ANKRD35: variants seen among roughly 807,000 people sequenced by gnomAD.
ANKRD35 encodes the protein ankyrin repeat domain-containing protein 35.
A neutral mutation model predicts 109.9 loss-of-function variants in ANKRD35; 102 were observed. The ratio of observed to expected loss-of-function variants is 0.93; its 90% CI spans 0.79 to 1.09. The LOEUF (loss-of-function observed/expected upper bound fraction) is 1.09. Among genes scored for constraint, ANKRD35 ranks in the 50% least tolerant of loss-of-function variants. The pLI, the probability that ANKRD35 is intolerant of heterozygous loss-of-function variation, is 0.00. For synonymous variants in ANKRD35, 515 were observed against 512.4 expected (o/e 1.01, Z -0.07); for missense variants, 1,240 against 1,230.1 (o/e 1.01, Z -0.12).
In ANKRD35 at chr1:145,879,271, T is replaced by A. The variant is rs1570805878; in HGVS notation, c.157A>T (p.Asn53Tyr). 1.9e-6 allele frequency: 3 copies of A among 1,608,406 alleles called. No individual in the cohort carries two copies. Among genetic ancestry groups the A allele is most frequent in the Non-Finnish European group, 2.5e-6 (3 of 1,177,484 alleles). ...KSARPTKLDS[N>Y]GQSPFHLAAS... ...GGACTGACTTACGGGGACTGGCCAT[T>A]CGAGTCAAGCTTGGTGGGTCGGGCA... Residue 53 changes from asparagine (N) to tyrosine (Y), a missense_variant, in exon 2 of 14, where the codon AAT (asparagine) becomes TAT (tyrosine). Asn to Tyr is a moderately radical substitution (Grantham distance 143). Transcript: ENST00000355594.
chr1:145,879,430 G>T (rs782442347), intron 1 of ANKRD35, 42 bp from the exon 2 acceptor site: 3 of 1,397,606 alleles, frequency 2.1e-6, no homozygotes, highest in African/African-American at 1.5e-5. Flanking sequence ...GGGCATGAGG[G>T]TAGTGTGGAG....
rs782190439 is a variant in ANKRD35, at chr1:145,872,641, C to A, written c.2128G>T (p.Ala710Ser). The change falls in exon 10 of 14, where the codon GCA (alanine) becomes TCA (serine). Residue 710 changes from alanine (A) to serine (S), a missense_variant. Physicochemically the swap from Ala to Ser is moderately conservative, Grantham distance 99. Coordinates refer to ENST00000355594, the MANE Select transcript of ANKRD35 (RefSeq NM_144698.5). ...GCACTCCTCTCGCCCACTAGGTCTGCGGGCAGGCAGTCCCACAGCCCTCGG... is the reference window on the plus strand; with the variant it reads ...GCACTCCTCTCGCCCACTAGGTCTGAGGGCAGGCAGTCCCACAGCCCTCGG... The part of the protein sequence containing the change: ...GLRGLWDCLP[A>S]DLVGERSAQS... 10 of 1,613,882 alleles carry A rather than the reference C, an allele frequency of 6.2e-6. No homozygotes were observed. The African/African-American group carries it at 1.2e-4, about 19-fold the overall frequency.
In ANKRD35 at chr1:145,872,944, C is replaced by G; in HGVS notation, c.1825G>C (p.Ala609Pro). ...ATCTCCTTCTCCAGCTGTCCCTTTG[C>G]CAGGCCTCCTAGGGCCTTTTCCCCT... ...LGGEKALGGL[A>P]KGQLEKEMSV... Residue 609 changes from alanine to proline, a missense_variant, in exon 10 of 14, where the codon GCA (alanine) becomes CCA (proline). Coordinates refer to ENST00000355594, the MANE Select transcript of ANKRD35 (RefSeq NM_144698.5). 6.2e-7 allele frequency: 1 copy of G among 1,611,224 alleles called. No individual in the cohort carries two copies. Among genetic ancestry groups the G allele is most frequent in the Non-Finnish European group, 8.5e-7 (1 of 1,178,138 alleles).
At chr1:145,882,004 G>C (rs1320411623) in intron 1 of ANKRD35, among the ~76,000 whole-genome samples, 1 of 141,486 alleles carries the variant, frequency 7.1e-6, no homozygotes, top group Non-Finnish European at 1.5e-5. Flanking sequence ...GCCCAGGCTG[G>C]AGTGCAGTGG....
chr1:145,885,643 T>C, intron 1 of ANKRD35, 77 bp downstream of exon 1: 1 of 1,502,788 alleles, frequency 6.7e-7, no homozygotes, highest in Non-Finnish European at 9.2e-7. Flanking sequence ...CGATGATGCA[T>C]TGAGACGGGA....
chr1:145,876,481 C>T, intron 6 of ANKRD35, 88 bp downstream of exon 6: 1 of 1,491,990 alleles, frequency 6.7e-7, no homozygotes, highest in East Asian at 2.3e-5. Flanking sequence ...TAACACAGCC[C>T]TAGGTCGTGG....
At chr1:145,869,416 A>G (rs1212869635) in intron 10 of ANKRD35, among the ~76,000 whole-genome samples, 1 of 152,066 alleles carries the variant, frequency 6.6e-6, no homozygotes, top group Admixed American at 6.6e-5. Context: ...TCCTGACCTC[A>G]GGTGATCCGC....
Position 145,873,293 on chromosome 1 carries a change from C to T in ANKRD35, c.1476G>A (p.Leu492=). ...PVGPAAMNQL[L]LQLREELAAV... ...CAGCAAGCTCCTCCCTTAGTTGAAGCAGAAGCTGGTTCATGGCTGCTGGGC... is the reference window on the plus strand; with the variant it reads ...CAGCAAGCTCCTCCCTTAGTTGAAGTAGAAGCTGGTTCATGGCTGCTGGGC... The change falls in exon 10 of 14, where the codon CTG becomes CTA. Residue 492 remains leucine (L), a synonymous_variant. Coordinates refer to ENST00000355594, the MANE Select transcript of ANKRD35 (RefSeq NM_144698.5). 4 of 1,614,156 alleles carry T rather than the reference C, an allele frequency of 2.5e-6. No individual in the cohort carries two copies. Among genetic ancestry groups the T allele is most frequent in the Non-Finnish European group, 3.4e-6 (4 of 1,180,010 alleles).
intron 10 of ANKRD35, among the ~76,000 whole-genome samples, chr1:145,870,315 A>G (rs1653762816): frequency 6.6e-6 from 1 of 151,652 alleles, no homozygotes; most frequent in Non-Finnish European, 1.5e-5. Context: ...GATGGTCTCG[A>G]TCTCCTGACC....
chr1:145,873,779 A>T lies in ANKRD35; in HGVS notation c.990T>A (p.Tyr330Ter). 6.2e-7 allele frequency: 1 copy of T among 1,610,956 alleles called. No individual in the cohort carries two copies. Among genetic ancestry groups the T allele is most frequent in the South Asian group, 1.1e-5 (1 of 90,676 alleles). Residue 330 changes from tyrosine (Y) to a stop codon, truncating the protein, a stop_gained, in exon 10 of 14, where the codon TAT becomes TAA. Transcript: ENST00000355594. LOFTEE classifies it high-confidence loss of function. ...TEECKTQAAA[Y>*]LDLENQIREQ... ...CTCGAATCTGGTTCTCAAGGTCCAG[A>T]TAGGCTGCAGCTTGAGTCTTACACT...
chr1:145,882,688 C>G (rs1320585399), intron 1 of ANKRD35, among the ~76,000 whole-genome samples: 1 of 152,126 alleles, frequency 6.6e-6, no homozygotes, highest in Non-Finnish European at 1.5e-5. Context: ...TGGGTAGAAA[C>G]TTTTCATGGC....
At chr1:145,882,725 G>C (rs997800837) in intron 1 of ANKRD35, among the ~76,000 whole-genome samples, 8 of 152,148 alleles carry the variant, frequency 5.3e-5, no homozygotes, top group African/African-American at 1.7e-4. Context: ...TGAAGTAAAG[G>C]ACAGAGAGAT....
chr1:145,867,150 C>T, intron 13 of ANKRD35, 137 bp downstream of exon 13: 1 of 597,586 alleles, frequency 1.7e-6, no homozygotes, highest in Non-Finnish European at 3.0e-6. Context: ...TCTCAGTCAC[C>T]TCAAATGCTC....
chr1:145,878,544 T>A (rs1004850162), intron 2 of ANKRD35, 65 bp from the exon 3 acceptor site: 1 of 1,446,290 alleles, frequency 6.9e-7, no homozygotes, highest in Non-Finnish European at 9.5e-7. Flanking sequence ...GGGAGAATCT[T>A]GATAAGCCCT....
Position 145,873,034 on chromosome 1 carries a change from T to G in ANKRD35, c.1735A>C (p.Lys579Gln). 1 of 1,611,520 alleles carries G rather than the reference T, an allele frequency of 6.2e-7. No individual in the cohort carries two copies. ...GALKAAPGSI[K>Q]QDEEKEKRVP... ...CTTTTCTCCTTCTCTTCATCCTGTT[T>G]GATGCTCCCTGGGGCTGCCTTTAGG... The change falls in exon 10 of 14, where the codon AAA becomes CAA. Residue 579 changes from lysine to glutamine, a missense_variant. Transcript: ENST00000355594.
At chr1:145,870,984 G>A (rs1170633453) in intron 10 of ANKRD35, among the ~76,000 whole-genome samples, 3 of 151,666 alleles carry the variant, frequency 2.0e-5, no homozygotes, top group African/African-American at 2.4e-5. Flanking sequence ...TTCATTTCAC[G>A]GTTAAGTCTG....
chr1:145,872,655 C>T lies in ANKRD35; in HGVS notation c.2114G>A (p.Trp705Ter), dbSNP rs1553739032. 6.2e-7 allele frequency: 1 copy of T among 1,614,102 alleles called. No individual in the cohort carries two copies. Among genetic ancestry groups the T allele is most frequent in the Non-Finnish European group, 8.5e-7 (1 of 1,179,990 alleles). The change falls in exon 10 of 14, where the codon TGG (tryptophan) becomes TAG (stop). Residue 705 changes from tryptophan to a stop codon, truncating the protein, a stop_gained. Transcript: ENST00000355594. LOFTEE classifies it high-confidence loss of function. The part of the protein sequence containing the change: ...ASQSSGLRGL[W>*]DCLPADLVGE... ...CACTAGGTCTGCGGGCAGGCAGTCC[C>T]ACAGCCCTCGGAGACCGCTGCTCTG...
chr1:145,879,506 C>T, intron 1 of ANKRD35, 118 bp from the exon 2 acceptor site: 1 of 1,169,816 alleles, frequency 8.5e-7, no homozygotes, highest in East Asian at 2.9e-5. Context: ...TTCTCTTCCA[C>T]AAGTCACACA....
At chr1:145,882,364 A>G (rs1356370665) in intron 1 of ANKRD35, among the ~76,000 whole-genome samples, 1 of 136,460 alleles carries the variant, frequency 7.3e-6, no homozygotes, top group Non-Finnish European at 1.5e-5. Context: ...TGGCATGATC[A>G]TGGCTCACTG....
Sources: allele counts gnomAD v4.1 joint callset (sites outside exome capture counted in the v4.1 genomes callset), GRCh38; gene constraint gnomAD v4.1.1; transcripts MANE v1.5; gene names NCBI Gene and HGNC (gene_info 2026-07-23, HGNC 2026-07-21).